LARGE1: variants seen among roughly 807,000 people sequenced by gnomAD.
LARGE1 encodes the protein LARGE xylosyl- and glucuronyltransferase 1.
In LARGE1, 43 loss-of-function variants were observed where a neutral mutation model predicts 87.6. The ratio of observed to expected loss-of-function variants is 0.49; its 90% confidence interval spans 0.38 to 0.63. The LOEUF (loss-of-function observed/expected upper bound fraction) is 0.63, where lower values mean the gene tolerates loss of function less well. LARGE1 is among the 30% of genes least tolerant of loss of function. The pLI is 0.00. For synonymous variants in LARGE1, 434 were observed against 394.6 expected, an observed-to-expected ratio of 1.10 and a Z score of -1.18; for missense variants, 802 against 1,000.2, an observed-to-expected ratio of 0.80 and a Z score of 2.67.
the LARGE1 span, among the ~76,000 whole-genome samples, chr22:33,150,944 C>T: frequency 6.6e-6 from 1 of 151,880 alleles, no homozygotes; most frequent in South Asian, 2.1e-4. Flanking sequence ...TTTTTCTTTT[C>T]AATATAAATT....
At chr22:33,788,277 G>A (rs1220320006) in intron 1 of LARGE1, among the ~76,000 whole-genome samples, 1 of 152,224 alleles carries the variant, frequency 6.6e-6, no homozygotes, top group Non-Finnish European at 1.5e-5. Flanking sequence ...CTGCTGCCAT[G>A]TAAGACGTGC....
intron 5 of LARGE1, among the ~76,000 whole-genome samples, chr22:33,572,518 G>A (rs2078236522): frequency 6.6e-6 from 1 of 152,194 alleles, no homozygotes; most frequent in African/African-American, 2.4e-5. Context: ...CATTGCATGA[G>A]GTTTGAAAAA....
the LARGE1 span, among the ~76,000 whole-genome samples, chr22:33,111,405 T>G: frequency 6.6e-6 from 1 of 152,114 alleles, no homozygotes; most frequent in Admixed American, 6.5e-5. Context: ...ATAAAACAGC[T>G]TCTATGATTA....
At chr22:33,419,646 A>G (rs1297714825) in intron 7 of LARGE1, among the ~76,000 whole-genome samples, 1 of 147,992 alleles carries the variant, frequency 6.8e-6, no homozygotes, top group Non-Finnish European at 1.5e-5. Flanking sequence ...CACTAGTGGT[A>G]TTTGTGGCCA....
At chr22:33,232,058 C>G (rs576343359) in intron 11 of LARGE1, among the ~76,000 whole-genome samples, 2 of 152,166 alleles carry the variant, frequency 1.3e-5, no homozygotes, top group African/African-American at 4.8e-5. Context: ...AGCCAGTTAG[C>G]AGAGGGGTCA....
intron 2 of LARGE1, among the ~76,000 whole-genome samples, chr22:33,690,043 G>A (rs926944804): frequency 7.9e-5 from 12 of 152,104 alleles, no homozygotes; most frequent in Non-Finnish European, 1.6e-4. Context: ...CTAGACATCC[G>A]TCCTCCATTC....
At chr22:33,070,517 T>C in the LARGE1 span, among the ~76,000 whole-genome samples, 1 of 152,008 alleles carries the variant, frequency 6.6e-6, no homozygotes, top group Non-Finnish European at 1.5e-5. Context: ...ACAGCCCCCA[T>C]AACAAAGAAT....
At chr22:33,688,498 T>C (rs541188798) in intron 2 of LARGE1, among the ~76,000 whole-genome samples, 3 of 152,098 alleles carry the variant, frequency 2.0e-5, no homozygotes, top group African/African-American at 4.8e-5. Flanking sequence ...ATTACAGGCA[T>C]GCACCATCAC....
chr22:33,356,756 G>C (rs1398685805), intron 9 of LARGE1, among the ~76,000 whole-genome samples: 2 of 151,934 alleles, frequency 1.3e-5, no homozygotes, highest in Admixed American at 1.3e-4. Context: ...GCAATAGAGT[G>C]AGACTCCATA....
chr22:33,207,567 G>A (rs1235394478), intron 11 of LARGE1, among the ~76,000 whole-genome samples: 1 of 152,176 alleles, frequency 6.6e-6, no homozygotes, highest in Non-Finnish European at 1.5e-5. Flanking sequence ...GGCAAGACAA[G>A]CTCGATACTG....
At chr22:33,867,781 C>T (rs989751218) in intron 1 of LARGE1, among the ~76,000 whole-genome samples, 5 of 152,152 alleles carry the variant, frequency 3.3e-5, no homozygotes, top group East Asian at 1.9e-4. Context: ...TGCTTCACAA[C>T]GTTGTTAGTA....
At chr22:33,363,269 A>G (rs1178528222) in intron 9 of LARGE1, among the ~76,000 whole-genome samples, 1 of 149,968 alleles carries the variant, frequency 6.7e-6, no homozygotes, top group Non-Finnish European at 1.5e-5. Flanking sequence ...GCTGATAAAG[A>G]CATACCCAAG....
intron 6 of LARGE1, among the ~76,000 whole-genome samples, chr22:33,463,196 G>C (rs2068449369): frequency 1.3e-5 from 2 of 151,640 alleles, no homozygotes; most frequent in Admixed American, 1.3e-4. Context: ...CTTTTTAGGT[G>C]AAAGATTTTC....
At chr22:33,404,762 C>T (rs998060537) in intron 7 of LARGE1, among the ~76,000 whole-genome samples, 4 of 152,228 alleles carry the variant, frequency 2.6e-5, no homozygotes, top group Non-Finnish European at 5.9e-5. Context: ...TCCTTGATCA[C>T]TTTTGCAGTA....
intron 1 of LARGE1, among the ~76,000 whole-genome samples, chr22:33,911,523 T>C (rs902977159): frequency 6.6e-6 from 1 of 151,878 alleles, no homozygotes; most frequent in Non-Finnish European, 1.5e-5. Context: ...CCTCCTGACA[T>C]GGGAGCGCCG....
chr22:33,734,316 T>C (rs1040305333), intron 2 of LARGE1, among the ~76,000 whole-genome samples: 2 of 152,150 alleles, frequency 1.3e-5, no homozygotes, highest in Non-Finnish European at 2.9e-5. Flanking sequence ...CATATCATAG[T>C]GATGTGTTGG....
At chr22:33,523,901 A>C (rs2071738774) in intron 6 of LARGE1, among the ~76,000 whole-genome samples, 1 of 152,152 alleles carries the variant, frequency 6.6e-6, no homozygotes, top group South Asian at 2.1e-4. Flanking sequence ...GTATAGTTCT[A>C]TGCCATTTTA....
intron 1 of LARGE1, among the ~76,000 whole-genome samples, chr22:33,781,319 GGT>G (rs759385488): frequency 7.2e-5 from 11 of 152,014 alleles, no homozygotes; most frequent in Non-Finnish European, 1.3e-4. Flanking sequence ...GCCAACATGA[GGT>G]GAAACCCCAT....
rs759738819 is a variant in LARGE1 at position 33,423,561 on chromosome 22, T to C, written c.892+8600A>G. ...TGGGCATGGTGGTGTGCGCCTGTAATCCCAGCTACTCAGGAGGCTGAGGCG... is the reference window on the plus strand; with the variant it reads ...TGGGCATGGTGGTGTGCGCCTGTAACCCCAGCTACTCAGGAGGCTGAGGCG... On this transcript the variant is annotated intron_variant, in intron 7 of 14. Coordinates refer to ENST00000397394, the MANE Select transcript of LARGE1 (RefSeq NM_133642.5). Among the ~76,000 whole-genome samples, 104 of 151,164 alleles carry C rather than the reference T, an allele frequency of 6.9e-4. 1 individual carries two copies. Among genetic ancestry groups the C allele is most frequent in the Non-Finnish European group, 1.2e-3 (83 of 67,912 alleles).
Sources: allele counts gnomAD v4.1 joint callset (sites outside exome capture counted in the v4.1 genomes callset), GRCh38; gene constraint gnomAD v4.1.1; transcripts MANE v1.5; gene names NCBI Gene and HGNC (gene_info 2026-07-23, HGNC 2026-07-21).